Variants in TP63 observed in about 807,000 individuals in gnomAD.
The protein encoded by TP63 is tumor protein p63.
Under a neutral mutation model 82.8 loss-of-function variants are expected in TP63, and 17 were observed. The ratio of observed to expected loss-of-function variants is 0.21; its 90% CI spans 0.14 to 0.31. The LOEUF is 0.31. Among genes scored for constraint, TP63 ranks in the 10% least tolerant of loss-of-function variants. TP63 has a pLI of 1.00. For synonymous variants in TP63, 330 were observed against 321.7 expected, an observed-to-expected ratio of 1.03 and a Z score of -0.28; for missense variants, 648 against 895.3, an observed-to-expected ratio of 0.72 and a Z score of 3.52.
chr3:189,892,787 G>A (rs1577210357), intron 13 of TP63, among the ~76,000 whole-genome samples: 2 of 152,060 alleles, frequency 1.3e-5, no homozygotes, highest in African/African-American at 2.4e-5. Context: ...GCAAGACTCC[G>A]TCTCAAAAAA....
At chr3:189,607,204 A>T in the TP63 span, among the ~76,000 whole-genome samples, 1 of 152,234 alleles carries the variant, frequency 6.6e-6, no homozygotes, top group Non-Finnish European at 1.5e-5. Context: ...GTGAAGACTT[A>T]ATGCAATGTG....
At chr3:189,830,397 G>GA (rs1035344578) in intron 4 of TP63, among the ~76,000 whole-genome samples, 6 of 151,406 alleles carry the variant, frequency 4.0e-5, no homozygotes, top group South Asian at 2.1e-4. Context: ...TATAAAATTT[G>GA]AAAAAAAATG....
At chr3:189,852,753 T>C (rs1715805368) in intron 4 of TP63, among the ~76,000 whole-genome samples, 1 of 152,168 alleles carries the variant, frequency 6.6e-6, no homozygotes, top group African/African-American at 2.4e-5. Context: ...TGCCTGCTCA[T>C]AGTAGTTAAC....
intron 3 of TP63, among the ~76,000 whole-genome samples, chr3:189,769,166 C>A (rs1486740246): frequency 1.3e-5 from 2 of 152,146 alleles, no homozygotes; most frequent in East Asian, 3.8e-4. Context: ...AACAAATGGT[C>A]ACTGTTGTCA....
intron 4 of TP63, among the ~76,000 whole-genome samples, chr3:189,848,772 G>C (rs1282475683): frequency 6.6e-6 from 1 of 152,090 alleles, no homozygotes; most frequent in Non-Finnish European, 1.5e-5. Flanking sequence ...ATTTTATCAG[G>C]GATGCACTCC....
the TP63 span, among the ~76,000 whole-genome samples, chr3:189,607,020 G>T: frequency 1.3e-5 from 2 of 152,096 alleles, no homozygotes; most frequent in Admixed American, 6.5e-5. Context: ...TGTTATGTTG[G>T]AGAGGCCCAT....
chr3:189,694,954 C>A (rs913530861), intron 1 of TP63, among the ~76,000 whole-genome samples: 1 of 151,142 alleles, frequency 6.6e-6, no homozygotes, highest in Admixed American at 6.6e-5. Flanking sequence ...TACACACGCC[C>A]GCCACCACAC....
intron 3 of TP63, among the ~76,000 whole-genome samples, chr3:189,784,666 A>G (rs1229614209): frequency 6.6e-6 from 1 of 152,104 alleles, no homozygotes; most frequent in Non-Finnish European, 1.5e-5. Flanking sequence ...ATACAACTGT[A>G]AGATTTACGA....
intron 1 of TP63, among the ~76,000 whole-genome samples, chr3:189,704,378 T>C (rs143766894): frequency 1.6e-4 from 25 of 152,350 alleles, no homozygotes; most frequent in African/African-American, 6.0e-4. Context: ...ATAGCTTACA[T>C]AGTAGTTTCT....
chr3:189,715,321 C>T lies in TP63; in HGVS notation c.63-22419C>T, dbSNP rs12630652. On this transcript the variant is annotated intron_variant, in intron 1 of 13. Coordinates refer to ENST00000264731, the MANE Select transcript of TP63 (RefSeq NM_003722.5). Reference sequence around the variant, plus strand: ...TTTTGTGTGAGAAGGCTGATTATAGCATTTGTTTTGAAATTACGGCATTTG... The same window carrying T: ...TTTTGTGTGAGAAGGCTGATTATAGTATTTGTTTTGAAATTACGGCATTTG... 1.5e-3 allele frequency among the ~76,000 whole-genome samples: 221 copies of T among 152,248 alleles called. 7 individuals are homozygous for T. The East Asian group carries it at 0.036, about 25-fold the overall frequency.
In TP63 at chr3:189,728,834, C is replaced by G. The variant is rs139113674; in HGVS notation, c.63-8906C>G. Among the ~76,000 whole-genome samples the G allele has an allele frequency of 4.6e-5, 7 of 152,300 alleles. No individual in the cohort carries two copies. The East Asian group carries it at 1.3e-3, about 29-fold the overall frequency. ...GAACAGCACAGGTGGCGGAGAACCT[C>G]CCCCATGATCCAATTACTTCCTCCT... On this transcript the variant is annotated intron_variant, in intron 1 of 13. Coordinates refer to ENST00000264731, the MANE Select transcript of TP63 (RefSeq NM_003722.5).
chr3:189,881,194 A>G (rs1159190242), intron 10 of TP63: 3 of 985,400 alleles, frequency 3.0e-6, no homozygotes, highest in African/African-American at 1.7e-5. Flanking sequence ...GTTTTGAGTA[A>G]GTGAGATCCA....
intron 4 of TP63, among the ~76,000 whole-genome samples, chr3:189,844,786 A>G (rs1714651746): frequency 6.6e-6 from 1 of 152,114 alleles, no homozygotes; most frequent in Non-Finnish European, 1.5e-5. Context: ...TTTACATTTT[A>G]CTGAATTGGA....
intron 1 of TP63, among the ~76,000 whole-genome samples, chr3:189,684,760 A>C (rs1340805931): frequency 1.3e-5 from 2 of 151,388 alleles, no homozygotes; most frequent in African/African-American, 4.9e-5. Context: ...CCTCCCGAGT[A>C]GCTGAGATTA....
At chr3:189,811,424 G>T (rs1339779777) in intron 4 of TP63, among the ~76,000 whole-genome samples, 1 of 152,024 alleles carries the variant, frequency 6.6e-6, no homozygotes, top group Non-Finnish European at 1.5e-5. Context: ...ATATCACATG[G>T]TAATTATATT....
At chr3:189,855,342 AAAAT>A (rs1716155847) in intron 4 of TP63, among the ~76,000 whole-genome samples, 2 of 152,310 alleles carry the variant, frequency 1.3e-5, no homozygotes, top group South Asian at 4.1e-4. Context: ...AAACTATGGA[AAAAT>A]AAGCAGCTTA....
intron 3 of TP63, among the ~76,000 whole-genome samples, chr3:189,781,092 C>T (rs1560178766): frequency 6.6e-6 from 1 of 152,092 alleles, no homozygotes; most frequent in South Asian, 2.1e-4. Flanking sequence ...AACTCTTTGT[C>T]GTACTTGCAA....
intron 3 of TP63, among the ~76,000 whole-genome samples, chr3:189,742,284 C>T (rs1721052440): frequency 6.7e-6 from 1 of 150,268 alleles, no homozygotes; most frequent in South Asian, 2.1e-4. Flanking sequence ...ACTTTATATC[C>T]CATCTTTGTA....
At chr3:189,889,228 G>C in intron 11 of TP63, 112 bp from the exon 12 acceptor site, 1 of 1,487,264 alleles carries the variant, frequency 6.7e-7, no homozygotes, top group Non-Finnish European at 9.4e-7. Context: ...GATTAAAAAG[G>C]AAGGCTGGTA....
Sources: gnomAD v4.1 joint callset for allele counts (sites outside exome capture counted in the v4.1 genomes callset) on GRCh38, gnomAD v4.1.1 for gene constraint, MANE v1.5 for transcripts, NCBI Gene and HGNC (gene_info 2026-07-23, HGNC 2026-07-21) for gene names.